Variants in LIMA1 observed in about 807,000 individuals in gnomAD.
The protein encoded by LIMA1 is LIM domain and actin binding 1, also known as LIM domain and actin-binding protein 1.
LIMA1 carries 52 observed loss-of-function variants against 62.6 expected under a neutral mutation model. That is an observed-to-expected ratio of 0.83 (90% CI 0.67 to 1.05). The LOEUF (loss-of-function observed/expected upper bound fraction) is 1.05, where lower values mean the gene tolerates loss of function less well. Ranked by LOEUF, LIMA1 falls within the 50% of genes least tolerant of loss-of-function variation. The pLI is 0.00. For missense variants in LIMA1, 780 were observed against 902.2 expected (o/e 0.86, Z 1.74); for synonymous variants, 302 against 317.8 (o/e 0.95, Z 0.53).
chr12:50,237,993 G>C (rs944422215), intron 2 of LIMA1, among the ~76,000 whole-genome samples: 4 of 152,088 alleles, frequency 2.6e-5, no homozygotes, highest in African/African-American at 7.2e-5. Context: ...GAAACATATG[G>C]GAAAAGTCTC....
chr12:50,263,785 CTGTGTGTG>C (rs3073660), intron 1 of LIMA1, among the ~76,000 whole-genome samples: 5 of 131,350 alleles, frequency 3.8e-5, no homozygotes, highest in Non-Finnish European at 7.9e-5. Flanking sequence ...TTCCATTCCT[CTGTGTGTG>C]TGTGTGTGTG....
intron 2 of LIMA1, among the ~76,000 whole-genome samples, chr12:50,239,180 T>TACATAC: frequency 6.6e-6 from 1 of 151,832 alleles, no homozygotes; most frequent in African/African-American, 2.4e-5. Flanking sequence ...CACACAAATA[T>TACATAC]ACATACACAT....
intron 3 of LIMA1, 156 bp from the exon 4 acceptor site, chr12:50,222,641 A>G (rs1941467623): frequency 6.5e-7 from 1 of 1,531,910 alleles, no homozygotes; most frequent in Non-Finnish European, 8.7e-7. Context: ...ACATGGAGAA[A>G]GCATCCACCC....
intron 1 of LIMA1, among the ~76,000 whole-genome samples, chr12:50,262,238 G>A (rs1942080897): frequency 6.6e-6 from 1 of 152,086 alleles, no homozygotes; most frequent in South Asian, 2.1e-4. Flanking sequence ...AGTAATTTTA[G>A]AAACCAAAAG....
At chr12:50,188,807 G>A (rs1374103679) in intron 9 of LIMA1, 3 of 152,214 alleles carry the variant, frequency 2.0e-5, no homozygotes, top group African/African-American at 7.2e-5. Context: ...TTGAACGAGG[G>A]ATGCAAGACT....
chr12:50,207,913 A>C (rs1357541204), intron 4 of LIMA1, among the ~76,000 whole-genome samples: 1 of 151,776 alleles, frequency 6.6e-6, no homozygotes, highest in Admixed American at 6.6e-5. Flanking sequence ...AAGAAAAGAA[A>C]GTGAACTATC....
chr12:50,231,867 G>A (rs966342030), intron 2 of LIMA1, among the ~76,000 whole-genome samples, 157 bp from the exon 3 acceptor site: 9 of 151,770 alleles, frequency 5.9e-5, no homozygotes, highest in East Asian at 3.9e-4. Context: ...TCCCGGGTTC[G>A]AGTGATTCTC....
At chr12:50,200,702 G>T in intron 7 of LIMA1, 75 bp downstream of exon 7, 1 of 1,477,808 alleles carries the variant, frequency 6.8e-7, no homozygotes, top group Non-Finnish European at 9.4e-7. Context: ...TAGAGTTAGA[G>T]TTGTTTCTAA....
At chr12:50,232,774 G>A (rs901942872) in intron 2 of LIMA1, among the ~76,000 whole-genome samples, 1 of 152,216 alleles carries the variant, frequency 6.6e-6, no homozygotes, top group African/African-American at 2.4e-5. Flanking sequence ...ATCGCCTGAG[G>A]TCAGGAGTTC....
chr12:50,264,362 T>G (rs545173170), intron 1 of LIMA1, among the ~76,000 whole-genome samples: 1 of 152,308 alleles, frequency 6.6e-6, no homozygotes, highest in African/African-American at 2.4e-5. Flanking sequence ...AATTGTATGG[T>G]ATATAATTTT....
intron 4 of LIMA1, among the ~76,000 whole-genome samples, chr12:50,211,923 T>G (rs12316153): frequency 0.011 from 1,606 of 152,210 alleles, 36 homozygotes; most frequent in African/African-American, 0.037. Context: ...GGAAAGAGAA[T>G]AGACAAGATA....
chr12:50,241,140 T>C, intron 2 of LIMA1, among the ~76,000 whole-genome samples: 1 of 152,196 alleles, frequency 6.6e-6, no homozygotes, highest in Non-Finnish European at 1.5e-5. Flanking sequence ...TTTTCACCAT[T>C]GCAAATAACG....
chr12:50,218,920 A>C (rs1229745510), intron 4 of LIMA1, among the ~76,000 whole-genome samples: 113 of 152,062 alleles, frequency 7.4e-4, no homozygotes, highest in African/African-American at 2.5e-3. Flanking sequence ...CAAAAACAAA[A>C]AAAAAACGCA....
At chr12:50,185,753 CTCTT>C (rs1206337571) in intron 9 of LIMA1, 1 of 284,738 alleles carries the variant, frequency 3.5e-6, no homozygotes, top group South Asian at 3.3e-5. Flanking sequence ...CATCGGCTCT[CTCTT>C]TAATAGAGCC....
rs539721537 is a variant in LIMA1 at position 50,227,665 on chromosome 12, C to T, written c.165+4000G>A. 2.7e-4 allele frequency among the ~76,000 whole-genome samples: 41 copies of T among 152,158 alleles called. No homozygotes were observed. The South Asian group carries it at 8.5e-3, about 32-fold the overall frequency. On this transcript the variant is annotated intron_variant, in intron 3 of 10. Coordinates refer to ENST00000341247, the MANE Select transcript of LIMA1 (RefSeq NM_016357.5). ...CCTTCATGCTGTGCGTGTGCTGCTT[C>T]CTCCATCTAGAATACAAAGATTCTG...
rs1280237897 is a variant in LIMA1, at chr12:50,193,514, TG to T, written c.1031-954del. 7.5e-3 allele frequency among the ~76,000 whole-genome samples: 1,036 copies of T among 137,832 alleles called. 10 individuals carry two copies. Among genetic ancestry groups the T allele is most frequent in the African/African-American group, 0.026 (960 of 37,644 alleles). 90.4% of individuals were successfully genotyped at this position (137,832 alleles called of 152,430 possible). ...TATATATATCATATATGTGTATATA[TG>T]ATATATATACACATATATGATATAT... On this transcript the variant is annotated intron_variant, in intron 8 of 10. Coordinates refer to ENST00000341247, the MANE Select transcript of LIMA1 (RefSeq NM_016357.5).
intron 1 of LIMA1, among the ~76,000 whole-genome samples, chr12:50,254,006 C>T (rs939500051): frequency 8.5e-5 from 11 of 128,662 alleles, no homozygotes; most frequent in Non-Finnish European, 1.5e-4. Flanking sequence ...CCAGCCTGGG[C>T]GACAGAGCGA....
intron 1 of LIMA1, among the ~76,000 whole-genome samples, chr12:50,281,245 T>C (rs758029921): frequency 5.4e-4 from 82 of 152,078 alleles, no homozygotes; most frequent in Non-Finnish European, 9.0e-4. Context: ...AGAGAAAATA[T>C]AAGAATTTGA....
intron 2 of LIMA1, 139 bp downstream of exon 2, chr12:50,248,494 G>T (rs1592553564): frequency 1.6e-6 from 1 of 616,448 alleles, no homozygotes; most frequent in East Asian, 2.7e-5. Flanking sequence ...CTTCTCCACA[G>T]TACCTCATAT....
Sources: allele counts gnomAD v4.1 joint callset (sites outside exome capture counted in the v4.1 genomes callset), GRCh38; gene constraint gnomAD v4.1.1; transcripts MANE v1.5; gene names NCBI Gene and HGNC (gene_info 2026-07-23, HGNC 2026-07-21).